CSTPP1: variants seen among roughly 807,000 people sequenced by gnomAD.
The protein encoded by CSTPP1 is UPF0705 protein C11orf49.
chr11:47,163,169 A>AT, the CSTPP1 span, among the ~76,000 whole-genome samples: 3 of 136,666 alleles, frequency 2.2e-5, no homozygotes, highest in Non-Finnish European at 3.1e-5. Context: ...GAATGAGACC[A>AT]TCTTAAAAAA....
chr11:47,046,660 CTTTTTTTTT>C, the CSTPP1 span, among the ~76,000 whole-genome samples: 4 of 79,734 alleles, frequency 5.0e-5, 1 homozygote, highest in Admixed American at 1.9e-4. Flanking sequence ...ATCTTCTTTT[CTTTTTTTTT>C]TTTTTTTTTT....
chr11:46,967,820 A>G, the CSTPP1 span, among the ~76,000 whole-genome samples: 1 of 149,308 alleles, frequency 6.7e-6, no homozygotes, highest in Non-Finnish European at 1.5e-5. Context: ...ATTATTATAT[A>G]TTATTATTAA....
At chr11:47,034,015 A>G in the CSTPP1 span, among the ~76,000 whole-genome samples, 7 of 152,152 alleles carry the variant, frequency 4.6e-5, no homozygotes, top group Non-Finnish European at 8.8e-5. Context: ...CATTTACGTT[A>G]GGTATATCTC....
chr11:47,136,001 T>A, the CSTPP1 span, among the ~76,000 whole-genome samples: 2 of 152,004 alleles, frequency 1.3e-5, no homozygotes, highest in Non-Finnish European at 2.9e-5. Context: ...CTCTCTCATT[T>A]TTTCATTTTC....
chr11:46,965,565 ATAAT>A, the CSTPP1 span, among the ~76,000 whole-genome samples: 4 of 152,194 alleles, frequency 2.6e-5, no homozygotes, highest in Non-Finnish European at 5.9e-5. Flanking sequence ...AAAAACCAAA[ATAAT>A]TAGTGACAAT....
At chr11:47,146,218 A>C in the CSTPP1 span, among the ~76,000 whole-genome samples, 1 of 152,096 alleles carries the variant, frequency 6.6e-6, no homozygotes, top group East Asian at 1.9e-4. Flanking sequence ...CAAAAAAATT[A>C]GCCGGGCATG....
At chr11:47,114,167 G>A in the CSTPP1 span, among the ~76,000 whole-genome samples, 4 of 152,022 alleles carry the variant, frequency 2.6e-5, no homozygotes, top group Non-Finnish European at 1.5e-5. Flanking sequence ...TAGATGTGTG[G>A]CATTATTTCT....
the CSTPP1 span, among the ~76,000 whole-genome samples, chr11:47,096,588 GT>G: frequency 6.6e-6 from 1 of 152,168 alleles, no homozygotes; most frequent in African/African-American, 2.4e-5. Flanking sequence ...ATAGAAAACT[GT>G]GTTTTTAAAC....
chr11:46,982,671 C>G, the CSTPP1 span, among the ~76,000 whole-genome samples: 1 of 151,908 alleles, frequency 6.6e-6, no homozygotes, highest in Non-Finnish European at 1.5e-5. Flanking sequence ...TGAATGCTTC[C>G]TACAAGTTTA....
chr11:47,162,378 A>C, the CSTPP1 span: 1 of 401,986 alleles, frequency 2.5e-6, no homozygotes. Flanking sequence ...TCAGACAACG[A>C]GCAGAGGGGC....
chr11:47,102,521 C>A, the CSTPP1 span, among the ~76,000 whole-genome samples: 1 of 151,122 alleles, frequency 6.6e-6, no homozygotes, highest in Non-Finnish European at 1.5e-5. Flanking sequence ...TGGTTTGTGA[C>A]CCTTAAAAAA....
the CSTPP1 span, among the ~76,000 whole-genome samples, chr11:47,133,613 A>T: frequency 6.6e-6 from 1 of 152,052 alleles, no homozygotes; most frequent in Non-Finnish European, 1.5e-5. Flanking sequence ...AACTTTTCAG[A>T]CTCGGTTTCT....
the CSTPP1 span, chr11:47,157,235 C>T: frequency 6.5e-7 from 1 of 1,538,740 alleles, no homozygotes; most frequent in South Asian, 1.3e-5. Context: ...AACGGGCATG[C>T]AGCCCCCAGC....
the CSTPP1 span, among the ~76,000 whole-genome samples, chr11:47,011,533 T>C: frequency 6.6e-6 from 1 of 152,210 alleles, no homozygotes; most frequent in Non-Finnish European, 1.5e-5. Flanking sequence ...TATATTTCTA[T>C]TAAGCTTCTT....
chr11:47,157,835 A>G, the CSTPP1 span: 1 of 1,614,042 alleles, frequency 6.2e-7, no homozygotes, highest in Non-Finnish European at 8.5e-7. Flanking sequence ...AGCACTTGTC[A>G]AAGAGGCCCT....
chr11:46,975,594 T>C, the CSTPP1 span, among the ~76,000 whole-genome samples: 4 of 152,200 alleles, frequency 2.6e-5, no homozygotes, highest in Admixed American at 6.5e-5. Context: ...ATTCAGTTGT[T>C]GCCATGATTT....
At chr11:47,038,283 A>AC in the CSTPP1 span, among the ~76,000 whole-genome samples, 4 of 77,562 alleles carry the variant, frequency 5.2e-5, no homozygotes, top group African/African-American at 1.2e-4. Flanking sequence ...CGGGGGGCTG[A>AC]CCCCCCCACC....
At chr11:47,059,154 G>A in the CSTPP1 span, among the ~76,000 whole-genome samples, 11 of 152,138 alleles carry the variant, frequency 7.2e-5, no homozygotes, top group Non-Finnish European at 1.6e-4. Context: ...AGAACACGAT[G>A]GACACAGGGA....
the CSTPP1 span, among the ~76,000 whole-genome samples, chr11:47,066,584 T>C: frequency 4.1e-4 from 63 of 152,340 alleles, no homozygotes; most frequent in African/African-American, 8.9e-4. Context: ...CAAATTATTA[T>C]TGAATACAAA....
Sources: gnomAD v4.1 joint callset for allele counts (sites outside exome capture counted in the v4.1 genomes callset) on GRCh38, gnomAD v4.1.1 for gene constraint, MANE v1.5 for transcripts, NCBI Gene and HGNC (gene_info 2026-07-23, HGNC 2026-07-21) for gene names.